Variants in LRRC4C observed in about 807,000 individuals in gnomAD.
LRRC4C encodes the protein leucine-rich repeat-containing protein 4C.
A neutral mutation model predicts 33.6 loss-of-function variants in LRRC4C; 5 were observed. The ratio of observed to expected loss-of-function variants is 0.15; its 90% CI spans 0.08 to 0.31. LRRC4C has a LOEUF of 0.31. Among genes scored for constraint, LRRC4C ranks in the 10% least tolerant of loss-of-function variants. The pLI is 1.00. For missense variants in LRRC4C, 560 were observed against 796.7 expected (o/e 0.70, Z 3.58); for synonymous variants, 329 against 302.0 (o/e 1.09, Z -0.93).
At chr11:41,202,903 A>G (rs1184495265) in intron 1 of LRRC4C, among the ~76,000 whole-genome samples, 1 of 151,762 alleles carries the variant, frequency 6.6e-6, no homozygotes, top group African/African-American at 2.4e-5. Flanking sequence ...CTCCTGCCTC[A>G]ACCTCCTGAG....
chr11:40,232,581 T>A (rs72640885), intron 5 of LRRC4C, among the ~76,000 whole-genome samples: 26,627 of 152,204 alleles, frequency 0.17, 2,703 homozygotes, highest in Admixed American at 0.28. Flanking sequence ...ATAACATTTA[T>A]TTTTTTATTA....
chr11:40,363,977 T>C (rs532073328), intron 3 of LRRC4C, among the ~76,000 whole-genome samples: 1 of 152,328 alleles, frequency 6.6e-6, no homozygotes, highest in South Asian at 2.1e-4. Context: ...CGTACATATT[T>C]TTCTCTGATG....
intron 3 of LRRC4C, among the ~76,000 whole-genome samples, chr11:40,477,520 T>C (rs1953299607): frequency 6.6e-6 from 1 of 152,208 alleles, no homozygotes; most frequent in South Asian, 2.1e-4. Flanking sequence ...TTTTCATTGT[T>C]ACCTTCCTTT....
chr11:40,733,863 C>G (rs1947728774), intron 2 of LRRC4C, among the ~76,000 whole-genome samples: 1 of 152,134 alleles, frequency 6.6e-6, no homozygotes, highest in African/African-American at 2.4e-5. Context: ...AAAATCCACT[C>G]TTCTTGGGGT....
chr11:40,545,058 C>T (rs1956860461), intron 3 of LRRC4C, among the ~76,000 whole-genome samples: 1 of 151,944 alleles, frequency 6.6e-6, no homozygotes, highest in Non-Finnish European at 1.5e-5. Context: ...TTCCTTCTGG[C>T]TTTTAAGACC....
At chr11:40,169,539 AAT>A (rs1453853644) in intron 5 of LRRC4C, among the ~76,000 whole-genome samples, 1 of 152,174 alleles carries the variant, frequency 6.6e-6, no homozygotes, top group Non-Finnish European at 1.5e-5. Context: ...TAGGTATATA[AAT>A]ATGAGTATAG....
At chr11:40,449,544 G>GC (rs778564425) in intron 3 of LRRC4C, among the ~76,000 whole-genome samples, 1 of 152,012 alleles carries the variant, frequency 6.6e-6, no homozygotes, top group Non-Finnish European at 1.5e-5. Context: ...GAAAACCGAG[G>GC]CCCCCAAAGT....
intron 1 of LRRC4C, among the ~76,000 whole-genome samples, chr11:41,125,553 CAT>C (rs949540332): frequency 7.9e-5 from 12 of 151,608 alleles, no homozygotes; most frequent in Admixed American, 2.0e-4. Flanking sequence ...CATACAAAAA[CAT>C]AGATTGAAAA....
chr11:40,849,679 T>C (rs1216698899), intron 2 of LRRC4C, among the ~76,000 whole-genome samples: 1 of 152,146 alleles, frequency 6.6e-6, no homozygotes, highest in Non-Finnish European at 1.5e-5. Flanking sequence ...AATTTGAATG[T>C]TGGCCTGTCT....
At chr11:40,317,020 A>C (rs1400001677) in intron 4 of LRRC4C, among the ~76,000 whole-genome samples, 1 of 151,990 alleles carries the variant, frequency 6.6e-6, no homozygotes, top group African/African-American at 2.4e-5. Flanking sequence ...TAGATGAGCA[A>C]ATGTATATTT....
chr11:41,248,611 C>A (rs1948529494), intron 1 of LRRC4C, among the ~76,000 whole-genome samples: 1 of 152,110 alleles, frequency 6.6e-6, no homozygotes, highest in Non-Finnish European at 1.5e-5. Context: ...TCACAGGAAC[C>A]ACCCACAGAT....
intron 6 of LRRC4C, among the ~76,000 whole-genome samples, chr11:40,132,038 T>C (rs188137741): frequency 6.6e-6 from 1 of 152,184 alleles, no homozygotes; most frequent in African/African-American, 2.4e-5. Context: ...TGATTATATA[T>C]TTTTATAGAA....
At chr11:41,116,444 T>C (rs1942129477) in intron 1 of LRRC4C, among the ~76,000 whole-genome samples, 3 of 152,148 alleles carry the variant, frequency 2.0e-5, no homozygotes, top group Admixed American at 2.0e-4. Context: ...GAATGATCTG[T>C]GATGATTGGC....
chr11:41,176,609 TA>T (rs1202986082), intron 1 of LRRC4C, among the ~76,000 whole-genome samples: 1 of 152,140 alleles, frequency 6.6e-6, no homozygotes, highest in African/African-American at 2.4e-5. Flanking sequence ...AAATAAGTAA[TA>T]TTTATACTAT....
At chr11:40,418,985 G>T (rs183025422) in intron 3 of LRRC4C, among the ~76,000 whole-genome samples, 2 of 152,086 alleles carry the variant, frequency 1.3e-5, no homozygotes, top group East Asian at 3.9e-4. Flanking sequence ...CGGGGGATAG[G>T]GGGAGGGAGA....
At chr11:41,415,349 C>G (rs556593699) in intron 1 of LRRC4C, among the ~76,000 whole-genome samples, 201 of 152,192 alleles carry the variant, frequency 1.3e-3, no homozygotes, top group African/African-American at 4.6e-3. Flanking sequence ...TGAGGTTTGC[C>G]TCTTCATAGT....
chr11:41,359,289 C>G (rs1952266236), intron 1 of LRRC4C, among the ~76,000 whole-genome samples: 1 of 152,010 alleles, frequency 6.6e-6, no homozygotes, highest in Non-Finnish European at 1.5e-5. Context: ...TATATATTTG[C>G]CCAAACCAGT....
At chr11:40,746,060 G>A (rs1948401560) in intron 2 of LRRC4C, among the ~76,000 whole-genome samples, 2 of 152,134 alleles carry the variant, frequency 1.3e-5, no homozygotes, top group East Asian at 1.9e-4. Flanking sequence ...AAATACTAAA[G>A]CAATGAAGGA....
At chr11:41,170,700 G>A (rs1454715149) in intron 1 of LRRC4C, among the ~76,000 whole-genome samples, 1 of 152,092 alleles carries the variant, frequency 6.6e-6, no homozygotes, top group African/African-American at 2.4e-5. Flanking sequence ...CATGGGCAAG[G>A]ACTTCACATC....
Sources: allele counts gnomAD v4.1 joint callset (sites outside exome capture counted in the v4.1 genomes callset), GRCh38; gene constraint gnomAD v4.1.1; transcripts MANE v1.5; gene names NCBI Gene and HGNC (gene_info 2026-07-23, HGNC 2026-07-21).